Variants in CCDC171 observed in about 807,000 individuals in gnomAD.
CCDC171 encodes coiled-coil domain-containing protein 171.
In CCDC171, 177 loss-of-function variants were observed where a neutral mutation model predicts 168.2. The ratio of observed to expected loss-of-function variants is 1.05; its 90% CI spans 0.93 to 1.19. CCDC171 has a LOEUF of 1.19. Among genes scored for constraint, CCDC171 ranks in the 50% most tolerant of loss-of-function variants. The probability of loss-of-function intolerance (pLI) is 0.00; values close to 1 mark genes in which losing one functional copy is unlikely to be tolerated. For synonymous variants in CCDC171, 687 were observed against 540.8 expected, an observed-to-expected ratio of 1.27 and a Z score of -3.75; for missense variants, 1,991 against 1,539.0, an observed-to-expected ratio of 1.29 and a Z score of -4.91.
intron 4 of CCDC171, among the ~76,000 whole-genome samples, chr9:15,588,042 C>G (rs1033773330): frequency 2.0e-5 from 3 of 152,124 alleles, no homozygotes; most frequent in Non-Finnish European, 2.9e-5. Context: ...CAAGACCAGC[C>G]TGACTGATAT....
At chr9:15,695,199 C>T (rs1358077136) in intron 10 of CCDC171, 36 bp from the exon 11 acceptor site, 17 of 1,383,842 alleles carry the variant, frequency 1.2e-5, no homozygotes, top group East Asian at 9.1e-5. Flanking sequence ...TCTTATAATA[C>T]GTGACCTTAT....
intron 6 of CCDC171, among the ~76,000 whole-genome samples, chr9:15,605,664 G>A (rs1272674099): frequency 6.7e-6 from 1 of 149,558 alleles, no homozygotes; most frequent in African/African-American, 2.5e-5. Context: ...TCCAGCCTGG[G>A]CGACAGAGCG....
intron 25 of CCDC171, among the ~76,000 whole-genome samples, chr9:15,934,459 A>G (rs1826885162): frequency 1.3e-5 from 2 of 151,920 alleles, no homozygotes; most frequent in Admixed American, 6.6e-5. Context: ...TCAAAACCAC[A>G]GTGAGATGCC....
chr9:15,983,453 A>G (rs1831868645), intron 3 of CCDC171, among the ~76,000 whole-genome samples: 2 of 150,788 alleles, frequency 1.3e-5, no homozygotes, highest in Admixed American at 6.6e-5. Context: ...TATTTTGTAC[A>G]GTTTATATTG....
rs563192682 is a variant in CCDC171 at position 15,927,369 on chromosome 9, C to G, written c.3753+6947C>G. Among the ~76,000 whole-genome samples, 253 of 151,724 alleles carry G rather than the reference C, an allele frequency of 1.7e-3. 1 individual carries two copies. Among genetic ancestry groups the G allele is most frequent in the Middle Eastern group, 6.8e-3 (2 of 294 alleles). ...GTAGAGAACAGTACAGCAGTCAGAA[C>G]CAATTACTTGTGGGTGTTTGGAGAC... On this transcript the variant is annotated intron_variant, in intron 25 of 25. Transcript: ENST00000380701.
At chr9:15,558,631 T>A (rs932418744) in intron 1 of CCDC171, among the ~76,000 whole-genome samples, 1 of 152,154 alleles carries the variant, frequency 6.6e-6, no homozygotes, top group Admixed American at 6.6e-5. Context: ...TTTTCTTCTT[T>A]ATTAGTCTTG....
At chr9:15,986,387 C>T (rs1831988098) in intron 3 of CCDC171, among the ~76,000 whole-genome samples, 1 of 152,182 alleles carries the variant, frequency 6.6e-6, no homozygotes, top group African/African-American at 2.4e-5. Flanking sequence ...GAAAGGCTGT[C>T]TTGCTGCAGA....
intron 3 of CCDC171, among the ~76,000 whole-genome samples, chr9:15,991,528 G>A (rs1832199826): frequency 6.6e-6 from 1 of 151,616 alleles, no homozygotes; most frequent in Non-Finnish European, 1.5e-5. Context: ...AACTAGAGAA[G>A]CAAGAGCAAA....
chr9:15,567,182 C>T (rs1354084272), intron 2 of CCDC171, among the ~76,000 whole-genome samples: 1 of 151,974 alleles, frequency 6.6e-6, no homozygotes, highest in East Asian at 1.9e-4. Context: ...CTACTGTGCC[C>T]AGCTAATTTT....
At chr9:16,097,755 C>T in the CCDC171 span, among the ~76,000 whole-genome samples, 4 of 152,202 alleles carry the variant, frequency 2.6e-5, no homozygotes, top group Non-Finnish European at 5.9e-5. Context: ...CAAAGAGGCT[C>T]ATTGAGATAA....
At chr9:15,672,232 T>C (rs1168034885) in intron 9 of CCDC171, among the ~76,000 whole-genome samples, 1 of 152,234 alleles carries the variant, frequency 6.6e-6, no homozygotes, top group East Asian at 1.9e-4. Context: ...TTAAGTTCTT[T>C]GTAGATTCTG....
At chr9:15,811,648 A>AT (rs1016647168) in intron 21 of CCDC171, among the ~76,000 whole-genome samples, 17 of 152,156 alleles carry the variant, frequency 1.1e-4, no homozygotes, top group African/African-American at 4.1e-4. Flanking sequence ...TCTACTAATG[A>AT]TTTTTTTCTT....
At chr9:15,935,285 CAG>C (rs1826984055) in intron 25 of CCDC171, among the ~76,000 whole-genome samples, 1 of 151,932 alleles carries the variant, frequency 6.6e-6, no homozygotes, top group African/African-American at 2.4e-5. Context: ...GACAGAGACT[CAG>C]AGGAAATTTG....
intron 23 of CCDC171, among the ~76,000 whole-genome samples, chr9:15,852,168 A>G (rs1243071946): frequency 4.6e-5 from 7 of 151,800 alleles, no homozygotes; most frequent in Admixed American, 1.3e-4. Context: ...ACTGTTTTCC[A>G]CAGTTGCTGC....
chr9:15,765,189 G>T (rs768316462), intron 18 of CCDC171, among the ~76,000 whole-genome samples: 2 of 152,140 alleles, frequency 1.3e-5, no homozygotes, highest in East Asian at 3.8e-4. Flanking sequence ...GACAAAGTCC[G>T]ACTGCAGTCT....
chr9:15,965,931 A>G (rs1306395942), intron 25 of CCDC171, among the ~76,000 whole-genome samples: 2 of 152,226 alleles, frequency 1.3e-5, no homozygotes, highest in Non-Finnish European at 2.9e-5. Flanking sequence ...CATAATCTGT[A>G]TATGTGTGAA....
intron 5 of CCDC171, 83 bp downstream of exon 5, chr9:15,591,639 T>TCTG: frequency 1.3e-6 from 1 of 797,216 alleles, no homozygotes. Flanking sequence ...TATCCTGGAT[T>TCTG]TCCTTCCTTC....
At position 15,564,222 on chromosome 9, in the gene CCDC171, C is replaced by G. The variant is rs2039544161; in HGVS notation, c.41+93C>G. ...GGTTGTAGAGCTAACTGTAAGAATT[C>G]TCATGGGATGGTAAGGGGAGTAGAA... is the stretch of plus-strand genomic sequence containing the variant. On this transcript the variant is annotated intron_variant, in intron 2 of 25. Transcript: ENST00000380701. The G allele has an allele frequency of 3.4e-6, 3 of 884,820 alleles. No homozygotes were observed. In the Admixed American group the frequency reaches 7.2e-5, roughly 21 times the overall value. 54.8% of individuals were successfully genotyped at this position (884,820 alleles called of 1,614,324 possible). A position where few individuals can be genotyped will look rare whatever the true frequency, so the allele number is the denominator to read the frequency against.
chr9:15,564,355 C>G (rs2039553596), intron 2 of CCDC171, among the ~76,000 whole-genome samples: 2 of 152,230 alleles, frequency 1.3e-5, no homozygotes, highest in Non-Finnish European at 1.5e-5. Context: ...CCACAAAAGT[C>G]TGTGTGTCTG....
Sources: allele counts gnomAD v4.1 joint callset (sites outside exome capture counted in the v4.1 genomes callset), GRCh38; gene constraint gnomAD v4.1.1; transcripts MANE v1.5; gene names NCBI Gene and HGNC (gene_info 2026-07-23, HGNC 2026-07-21).